Variants in CEP63 observed in about 807,000 individuals in gnomAD.
CEP63 encodes centrosomal protein of 63 kDa.
CEP63 carries 84 observed loss-of-function variants against 89.1 expected under a neutral mutation model. That is an observed-to-expected ratio of 0.94 (90% confidence interval 0.79 to 1.13). CEP63 has a LOEUF of 1.13. CEP63 is among the 50% of genes most tolerant of loss of function. CEP63 has a pLI of 0.00. For synonymous variants in CEP63, 267 were observed against 272.5 expected (o/e 0.98, Z 0.20); for missense variants, 838 against 813.3 (o/e 1.03, Z -0.37).
intron 10 of CEP63, among the ~76,000 whole-genome samples, chr3:134,585,225 G>A (rs1958459535): frequency 6.6e-6 from 1 of 151,806 alleles, no homozygotes; most frequent in Non-Finnish European, 1.5e-5. Context: ...CTTGCCTTCT[G>A]CTAGCTTTTG....
chr3:134,761,747 C>T, the CEP63 span, among the ~76,000 whole-genome samples: 2 of 152,122 alleles, frequency 1.3e-5, 1 homozygote. Context: ...CTCTCTCTCT[C>T]TCTCCCCCCT....
Position 134,507,242 on chromosome 3 carries a change from G to A in CEP63, c.178G>A (p.Glu60Lys), listed in dbSNP as rs752254258. The change falls in exon 3 of 15, where the codon GAA becomes AAA. Residue 60 changes from glutamate (E) to lysine (K), a missense_variant. By Grantham distance (56) the Glu-to-Lys change is moderately conservative. Coordinates refer to ENST00000675561, the MANE Select transcript of CEP63 (RefSeq NM_001353108.3). ...AACTTGCTTGAAAATCCGTGAACAGGAACTTAAGAGTCTTAGGAGTCAGTT... is the reference window on the plus strand; with the variant it reads ...AACTTGCTTGAAAATCCGTGAACAGAAACTTAAGAGTCTTAGGAGTCAGTT... ...LETCLKIREQELKSLRSQLDV... is the reference protein window; with the variant it reads ...LETCLKIREQKLKSLRSQLDV... 2.4e-5 allele frequency: 39 copies of A among 1,613,566 alleles called. No homozygotes were observed. In the South Asian group the frequency reaches 4.3e-4, roughly 18 times the overall value.
At chr3:134,620,314 C>G in the CEP63 span, among the ~76,000 whole-genome samples, 1 of 152,290 alleles carries the variant, frequency 6.6e-6, no homozygotes, top group South Asian at 2.1e-4. Flanking sequence ...GGAGAACCCG[C>G]TTTTCCTGGC....
chr3:134,613,608 G>C, the CEP63 span, among the ~76,000 whole-genome samples: 3 of 152,318 alleles, frequency 2.0e-5, no homozygotes, highest in East Asian at 5.8e-4. Flanking sequence ...TCTCTGACAG[G>C]CTGAGGAGAA....
chr3:134,667,305 C>T, the CEP63 span, among the ~76,000 whole-genome samples: 2 of 152,232 alleles, frequency 1.3e-5, no homozygotes, highest in Non-Finnish European at 2.9e-5. Flanking sequence ...GGTAAATTTC[C>T]ATGCTAACAT....
At chr3:134,609,518 G>A in the CEP63 span, among the ~76,000 whole-genome samples, 2 of 152,160 alleles carry the variant, frequency 1.3e-5, no homozygotes, top group East Asian at 3.9e-4. Flanking sequence ...AATCGAGAGA[G>A]CACACTCATG....
At chr3:134,691,800 A>C in the CEP63 span, among the ~76,000 whole-genome samples, 1 of 149,808 alleles carries the variant, frequency 6.7e-6, no homozygotes, top group Non-Finnish European at 1.5e-5. Context: ...GCTCACTGCA[A>C]CCTCTGCCTC....
At chr3:134,739,725 C>A in the CEP63 span, among the ~76,000 whole-genome samples, 1 of 141,124 alleles carries the variant, frequency 7.1e-6, no homozygotes. Context: ...TGCTAAGGGA[C>A]ACATGCATAG....
At chr3:134,703,897 T>G in the CEP63 span, among the ~76,000 whole-genome samples, 5 of 152,232 alleles carry the variant, frequency 3.3e-5, no homozygotes, top group South Asian at 8.3e-4. Flanking sequence ...TAAATCCTAC[T>G]TGAATGCTGA....
At chr3:134,746,758 C>A in the CEP63 span, among the ~76,000 whole-genome samples, 1 of 152,202 alleles carries the variant, frequency 6.6e-6, no homozygotes, top group African/African-American at 2.4e-5. Context: ...CCTTTACCCA[C>A]TTTTTGATGG....
the CEP63 span, among the ~76,000 whole-genome samples, chr3:134,748,542 G>A: frequency 6.6e-6 from 1 of 152,044 alleles, no homozygotes; most frequent in South Asian, 2.1e-4. Flanking sequence ...CAGAAGACAT[G>A]CCATCATGAG....
At chr3:134,658,526 C>T in the CEP63 span, among the ~76,000 whole-genome samples, 2 of 152,164 alleles carry the variant, frequency 1.3e-5, no homozygotes, top group African/African-American at 4.8e-5. Flanking sequence ...ACACTTTGTG[C>T]CTATGTTTGT....
chr3:134,650,748 C>T, the CEP63 span: 3 of 1,348,878 alleles, frequency 2.2e-6, no homozygotes, highest in African/African-American at 3.0e-5. Flanking sequence ...CAATGGGCGC[C>T]CCCCGGCGGG....
At chr3:134,605,122 A>T in the CEP63 span, among the ~76,000 whole-genome samples, 2 of 150,448 alleles carry the variant, frequency 1.3e-5, no homozygotes, top group African/African-American at 4.9e-5. Flanking sequence ...CCACACTGCC[A>T]CCCCCCATCT....
intron 10 of CEP63, among the ~76,000 whole-genome samples, chr3:134,587,204 A>G (rs1199241230): frequency 2.0e-5 from 3 of 147,086 alleles, no homozygotes; most frequent in African/African-American, 7.7e-5. Flanking sequence ...TCAACTCGTC[A>G]AAGTCATTCT....
intron 1 of CEP63, 68 bp from the exon 2 acceptor site, chr3:134,495,228 G>A (rs1474584018): frequency 9.1e-7 from 1 of 1,102,210 alleles, no homozygotes; most frequent in Non-Finnish European, 1.4e-6. Flanking sequence ...ACATTCTTAA[G>A]TTGTAAGTTA....
chr3:134,761,839 G>A, the CEP63 span, among the ~76,000 whole-genome samples: 1,278 of 152,278 alleles, frequency 8.4e-3, 15 homozygotes, highest in African/African-American at 0.028. Context: ...GGGGAGGTTT[G>A]TCTGAAGCCT....
At chr3:134,693,602 G>C in the CEP63 span, among the ~76,000 whole-genome samples, 20 of 152,308 alleles carry the variant, frequency 1.3e-4, 1 homozygote, top group African/African-American at 4.3e-4. Flanking sequence ...AAAAATATGC[G>C]CTCATTTATG....
At chr3:134,612,781 G>C in the CEP63 span, among the ~76,000 whole-genome samples, 1 of 151,058 alleles carries the variant, frequency 6.6e-6, no homozygotes, top group East Asian at 2.0e-4. Context: ...GTGTGTGTGT[G>C]TGTGTGTGTG....
Sources: allele counts gnomAD v4.1 joint callset (sites outside exome capture counted in the v4.1 genomes callset), GRCh38; gene constraint gnomAD v4.1.1; transcripts MANE v1.5; gene names NCBI Gene and HGNC (gene_info 2026-07-23, HGNC 2026-07-21).